Variants in SLMAP observed in about 807,000 individuals in gnomAD.
The protein encoded by SLMAP is sarcolemmal membrane-associated protein.
SLMAP carries 44 observed loss-of-function variants against 128.8 expected under a neutral mutation model. The observed-to-expected ratio is 0.34, with a 90% CI of 0.27 to 0.44. SLMAP has a LOEUF of 0.44. Ranked by LOEUF, SLMAP falls within the 20% of genes least tolerant of loss-of-function variation. The pLI is 1.00. For synonymous variants in SLMAP, 327 were observed against 348.8 expected, an observed-to-expected ratio of 0.94 and a Z score of 0.70; for missense variants, 787 against 985.3, an observed-to-expected ratio of 0.80 and a Z score of 2.69.
chr3:57,896,329 G>T (rs958434007), intron 15 of SLMAP, 182 bp from the exon 16 acceptor site: 3 of 1,338,836 alleles, frequency 2.2e-6, no homozygotes, highest in South Asian at 1.9e-5. Flanking sequence ...TATGAGCTAC[G>T]TGTAATAACC....
At chr3:57,808,130 T>C (rs919296777) in intron 2 of SLMAP, among the ~76,000 whole-genome samples, 2 of 152,196 alleles carry the variant, frequency 1.3e-5, no homozygotes. Context: ...TCATTTCTTA[T>C]TGTGTCTATT....
chr3:57,766,438 A>G (rs1463482424), intron 2 of SLMAP, among the ~76,000 whole-genome samples: 4 of 152,120 alleles, frequency 2.6e-5, no homozygotes, highest in Non-Finnish European at 4.4e-5. Context: ...AACTCTTAAT[A>G]TATGTCAGTT....
chr3:57,825,066 G>A (rs1461847912), intron 2 of SLMAP, among the ~76,000 whole-genome samples: 3 of 152,132 alleles, frequency 2.0e-5, no homozygotes, highest in Non-Finnish European at 2.9e-5. Context: ...TTGCTGGTAT[G>A]TAGAAACACT....
intron 2 of SLMAP, among the ~76,000 whole-genome samples, chr3:57,772,381 G>A (rs1304661283): frequency 6.6e-6 from 1 of 152,226 alleles, no homozygotes; most frequent in African/African-American, 2.4e-5. Flanking sequence ...GTTGAAAGGG[G>A]ATTGGGTTGT....
chr3:57,912,464 C>T lies in SLMAP; in HGVS notation c.1783C>T (p.Leu595Phe). ...SEITSTRDEL[L>F]SARDEILLLH... ...AATCACAAGTACTAGAGATGAATTGCTTAGTGCCCGAGATGAAATTTTGCT... is the reference window on the plus strand; with the variant it reads ...AATCACAAGTACTAGAGATGAATTGTTTAGTGCCCGAGATGAAATTTTGCT... Residue 595 changes from leucine to phenylalanine, a missense_variant, in exon 20 of 25, where the codon CTT becomes TTT. Physicochemically the swap from Leu to Phe is conservative, Grantham distance 22. Around this residue, in one of 2 missense-constraint regions of SLMAP, gnomAD observed 715 missense variants for 843.6 expected, o/e 0.85. Transcript: ENST00000671191. 2.5e-6 allele frequency: 4 copies of T among 1,614,106 alleles called. No individual in the cohort carries two copies. Among genetic ancestry groups the T allele is most frequent in the Non-Finnish European group, 3.4e-6 (4 of 1,179,974 alleles).
chr3:57,760,370 A>G (rs552013526), intron 2 of SLMAP, among the ~76,000 whole-genome samples: 1 of 152,240 alleles, frequency 6.6e-6, no homozygotes, highest in Non-Finnish European at 1.5e-5. Flanking sequence ...CTTTAGATAT[A>G]GATGTAATTA....
At chr3:57,770,316 C>G (rs1416769020) in intron 2 of SLMAP, among the ~76,000 whole-genome samples, 1 of 152,040 alleles carries the variant, frequency 6.6e-6, no homozygotes, top group African/African-American at 2.4e-5. Context: ...AATGTGGGAG[C>G]AAAGAAGAGA....
chr3:57,916,795 T>C (rs2096823032), intron 21 of SLMAP, 111 bp from the exon 22 acceptor site: 1 of 817,462 alleles, frequency 1.2e-6, no homozygotes, highest in Non-Finnish European at 1.9e-6. Flanking sequence ...ACTTTTCTTT[T>C]TTTCTCTGAA....
chr3:57,836,643 T>C (rs1323108642), intron 3 of SLMAP, among the ~76,000 whole-genome samples: 1 of 152,188 alleles, frequency 6.6e-6, no homozygotes, highest in African/African-American at 2.4e-5. Flanking sequence ...CCACCAACAA[T>C]CTGATTTTGA....
chr3:57,766,146 C>T (rs373208414), intron 2 of SLMAP, among the ~76,000 whole-genome samples: 3 of 148,670 alleles, frequency 2.0e-5, no homozygotes, highest in African/African-American at 7.4e-5. Context: ...CTACAGGCGC[C>T]TACCACCACA....
intron 2 of SLMAP, among the ~76,000 whole-genome samples, chr3:57,784,799 G>T (rs2083758150): frequency 6.6e-6 from 1 of 152,054 alleles, no homozygotes; most frequent in African/African-American, 2.4e-5. Flanking sequence ...TGGGAGGTGG[G>T]GCCTAATAAG....
intron 19 of SLMAP, among the ~76,000 whole-genome samples, chr3:57,911,548 C>G (rs1559534167): frequency 6.6e-6 from 1 of 152,058 alleles, no homozygotes; most frequent in African/African-American, 2.4e-5. Context: ...TTCAATGAGG[C>G]AGTATTAATT....
chr3:57,764,455 TC>T (rs1310894711), intron 2 of SLMAP, among the ~76,000 whole-genome samples: 3 of 145,164 alleles, frequency 2.1e-5, no homozygotes, highest in Non-Finnish European at 3.0e-5. Context: ...TGAGCAGAGA[TC>T]CCATCTTTGC....
chr3:57,794,868 G>A (rs2086357666), intron 2 of SLMAP, among the ~76,000 whole-genome samples: 1 of 152,172 alleles, frequency 6.6e-6, no homozygotes. Flanking sequence ...CGGCTGTTAT[G>A]AATAATGTCA....
At chr3:57,832,504 A>T (rs994442412) in intron 3 of SLMAP, among the ~76,000 whole-genome samples, 10 of 152,222 alleles carry the variant, frequency 6.6e-5, no homozygotes, top group African/African-American at 2.4e-4. Context: ...GAAATTATAT[A>T]GCTAAATCAT....
intron 2 of SLMAP, among the ~76,000 whole-genome samples, chr3:57,815,793 TTAAG>T (rs2091779298): frequency 6.6e-6 from 1 of 151,966 alleles, no homozygotes. Context: ...TATCAGCTGT[TTAAG>T]TAATTGTCAA....
rs866588090 is a variant in SLMAP at position 57,793,851 on chromosome 3, G to A, written c.198+36002G>A. Among the ~76,000 whole-genome samples, 5 of 147,166 alleles carry A rather than the reference G, an allele frequency of 3.4e-5. No individual in the cohort carries two copies. In the South Asian group the frequency reaches 8.6e-4, roughly 25 times the overall value. On this transcript the variant is annotated intron_variant, in intron 2 of 24. Transcript: ENST00000671191. The stretch of plus-strand genomic sequence containing the variant: ...GAGGTGGGAGGATCACTTCAGCCCA[G>A]AAGTTCAAGATCAGCCTGGGCAACA...
At chr3:57,780,367 A>G (rs765388797) in intron 2 of SLMAP, among the ~76,000 whole-genome samples, 3 of 151,808 alleles carry the variant, frequency 2.0e-5, no homozygotes, top group African/African-American at 4.8e-5. Context: ...CTGGTCTCCA[A>G]CTCCTGGGCC....
At position 57,757,521 on chromosome 3, in the gene SLMAP, T is replaced by C. The variant is rs112419882; in HGVS notation, c.-131T>C. On this transcript the variant is annotated 5_prime_UTR_variant, in exon 2 of 25. Coordinates refer to ENST00000671191, the MANE Select transcript of SLMAP (RefSeq NM_001377540.1). ...AAGAGTTGATGTTCACTGGTTATGC[T>C]TAGACAATGTGCAGTTTGTGTTAAT... is the stretch of plus-strand genomic sequence containing the variant. 2.6e-6 allele frequency: 2 copies of C among 776,550 alleles called. No homozygotes were observed. The highest frequency in any genetic ancestry group is 4.3e-6 in the Non-Finnish European group (2 of 467,790). The allele number at this position is 776,550 out of a possible 1,614,324, so 48.1% of individuals were successfully genotyped here.
Sources: allele counts gnomAD v4.1 joint callset (sites outside exome capture counted in the v4.1 genomes callset), GRCh38; gene constraint gnomAD v4.1.1; regional missense constraint gnomAD v4.1.1; transcripts MANE v1.5; gene names NCBI Gene and HGNC (gene_info 2026-07-23, HGNC 2026-07-21).